Variants in KLF12 observed in about 807,000 individuals in gnomAD.
The protein encoded by KLF12 is Krueppel-like factor 12.
KLF12 carries 9 observed loss-of-function variants against 37.8 expected under a neutral mutation model. The observed-to-expected ratio is 0.24, with a 90% CI of 0.14 to 0.42. The LOEUF (loss-of-function observed/expected upper bound fraction) is 0.42, where lower values mean the gene tolerates loss of function less well. Ranked by LOEUF, KLF12 falls within the 10% of genes least tolerant of loss-of-function variation. KLF12 has a pLI of 1.00. For synonymous variants in KLF12, 208 were observed against 202.1 expected, an observed-to-expected ratio of 1.03 and a Z score of -0.25; for missense variants, 411 against 516.0, an observed-to-expected ratio of 0.80 and a Z score of 1.97.
At chr13:73,990,280 A>G (rs1264127738) in intron 2 of KLF12, among the ~76,000 whole-genome samples, 1 of 152,222 alleles carries the variant, frequency 6.6e-6, no homozygotes, top group African/African-American at 2.4e-5. Context: ...TCAGAGATTA[A>G]GAGCAAGATC....
chr13:73,766,840 T>C (rs1319645498), intron 5 of KLF12, among the ~76,000 whole-genome samples: 1 of 152,202 alleles, frequency 6.6e-6, no homozygotes, highest in African/African-American at 2.4e-5. Flanking sequence ...AGAGAGTCTG[T>C]TTAATCCATA....
intron 1 of KLF12, among the ~76,000 whole-genome samples, chr13:74,010,076 A>T (rs760814580): frequency 1.3e-5 from 2 of 151,768 alleles, no homozygotes; most frequent in African/African-American, 4.8e-5. Flanking sequence ...GAGCCTCCCA[A>T]GTAGCTAGGA....
At chr13:73,859,286 G>GT (rs1048591005) in intron 3 of KLF12, among the ~76,000 whole-genome samples, 2 of 152,140 alleles carry the variant, frequency 1.3e-5, no homozygotes, top group African/African-American at 4.8e-5. Context: ...TTCCGGTAAA[G>GT]TTTTCCTCTC....
chr13:73,768,866 C>T (rs1880099952), intron 5 of KLF12, among the ~76,000 whole-genome samples: 1 of 152,076 alleles, frequency 6.6e-6, no homozygotes, highest in Non-Finnish European at 1.5e-5. Context: ...ACCTGTCTGA[C>T]CTGTCTTACA....
At chr13:74,185,487 G>T in the KLF12 span, among the ~76,000 whole-genome samples, 2 of 152,108 alleles carry the variant, frequency 1.3e-5, no homozygotes, top group Non-Finnish European at 2.9e-5. Flanking sequence ...AGGTTATTAT[G>T]CATTGTGAGT....
intron 4 of KLF12, among the ~76,000 whole-genome samples, chr13:73,816,313 C>T (rs1883213554): frequency 6.6e-6 from 1 of 151,816 alleles, no homozygotes; most frequent in African/African-American, 2.4e-5. Flanking sequence ...ACACCAGAAA[C>T]AAAAAAATAT....
At chr13:74,106,687 C>T (rs1401093899) in intron 1 of KLF12, among the ~76,000 whole-genome samples, 1 of 152,070 alleles carries the variant, frequency 6.6e-6, no homozygotes. Flanking sequence ...CAGATGACTG[C>T]ACTGGGCTAA....
At chr13:73,957,648 A>G (rs1281588978) in intron 2 of KLF12, among the ~76,000 whole-genome samples, 2 of 152,238 alleles carry the variant, frequency 1.3e-5, no homozygotes, top group African/African-American at 4.8e-5. Flanking sequence ...TCACAAAAAC[A>G]AAGAGTGACC....
the KLF12 span, among the ~76,000 whole-genome samples, chr13:74,204,842 C>T: frequency 6.6e-6 from 1 of 151,954 alleles, no homozygotes; most frequent in Non-Finnish European, 1.5e-5. Flanking sequence ...GCTATTATAC[C>T]GAGGGTTGTA....
chr13:73,780,860 T>G (rs529273062), intron 5 of KLF12, among the ~76,000 whole-genome samples: 72 of 152,370 alleles, frequency 4.7e-4, no homozygotes, highest in Non-Finnish European at 9.1e-4. Flanking sequence ...ACAAAGGATT[T>G]AGAAGATTAC....
intron 1 of KLF12, among the ~76,000 whole-genome samples, chr13:73,995,636 G>A (rs1172384092): frequency 6.6e-6 from 1 of 151,990 alleles, no homozygotes; most frequent in Non-Finnish European, 1.5e-5. Context: ...ATTAATATAT[G>A]TCCCTTCTTT....
chr13:74,071,680 G>C (rs554058751), intron 1 of KLF12, among the ~76,000 whole-genome samples: 6 of 152,134 alleles, frequency 3.9e-5, no homozygotes, highest in Non-Finnish European at 5.9e-5. Flanking sequence ...GCGACAGAGC[G>C]AGACTCCGTC....
chr13:74,178,944 C>T, the KLF12 span, among the ~76,000 whole-genome samples: 646 of 152,204 alleles, frequency 4.2e-3, 5 homozygotes, highest in African/African-American at 0.014. Flanking sequence ...TTCTTTTTAC[C>T]TTTTAAAAAT....
the KLF12 span, among the ~76,000 whole-genome samples, chr13:74,211,420 G>A: frequency 6.6e-6 from 1 of 152,082 alleles, no homozygotes; most frequent in African/African-American, 2.4e-5. Context: ...GGTTATGGTT[G>A]GATAGGATGT....
intron 4 of KLF12, among the ~76,000 whole-genome samples, chr13:73,822,402 C>G (rs531948058): frequency 6.6e-6 from 1 of 152,012 alleles, no homozygotes; most frequent in African/African-American, 2.4e-5. Flanking sequence ...CATGAATTAC[C>G]GCTTGGAAAC....
the KLF12 span, among the ~76,000 whole-genome samples, chr13:74,174,845 C>A: frequency 6.6e-6 from 1 of 152,142 alleles, no homozygotes; most frequent in East Asian, 1.9e-4. Flanking sequence ...GAATAAGGAA[C>A]CAAATCTATT....
intron 2 of KLF12, 63 bp from the exon 3 acceptor site, chr13:73,944,133 G>T: frequency 4.2e-6 from 4 of 960,602 alleles, no homozygotes; most frequent in Non-Finnish European, 6.6e-6. Context: ...ACCTCTGGGA[G>T]AGTCTTCCCT....
the KLF12 span, among the ~76,000 whole-genome samples, chr13:74,174,633 T>C: frequency 6.6e-6 from 1 of 152,182 alleles, no homozygotes; most frequent in African/African-American, 2.4e-5. Context: ...GATGTCTCCC[T>C]AGGCCCATGG....
intron 5 of KLF12, among the ~76,000 whole-genome samples, chr13:73,780,872 C>T (rs9318216): frequency 0.56 from 85,320 of 152,138 alleles, 24,040 homozygotes; most frequent in African/African-American, 0.61. Context: ...GAAGATTACA[C>T]AAACTTAGTG....
Sources: allele counts gnomAD v4.1 joint callset (sites outside exome capture counted in the v4.1 genomes callset), GRCh38; gene constraint gnomAD v4.1.1; transcripts MANE v1.5; gene names NCBI Gene and HGNC (gene_info 2026-07-23, HGNC 2026-07-21).